The following IRS2 variants were observed in gnomAD, a reference collection of about 807,000 sequenced individuals.
IRS2 encodes insulin receptor substrate 2.
IRS2 carries 28 observed loss-of-function variants against 70.9 expected under a neutral mutation model. The ratio of observed to expected loss-of-function variants is 0.39; its 90% CI spans 0.29 to 0.54. IRS2 has a LOEUF of 0.54. Among genes scored for constraint, IRS2 ranks in the 20% least tolerant of loss-of-function variants. The pLI is 0.59. For missense variants in IRS2, 2,081 were observed against 2,024.1 expected, an observed-to-expected ratio of 1.03 and a Z score of -0.54; for synonymous variants, 1,217 against 981.9, an observed-to-expected ratio of 1.24 and a Z score of -4.48.
intron 1 of IRS2, among the ~76,000 whole-genome samples, chr13:109,780,629 A>G (rs1383473528): frequency 6.6e-6 from 1 of 152,226 alleles, no homozygotes; most frequent in African/African-American, 2.4e-5. Context: ...CTGGATTTAG[A>G]TAGCACTAAA....
chr13:109,778,901 A>C (rs528260772), intron 1 of IRS2, among the ~76,000 whole-genome samples: 3 of 152,364 alleles, frequency 2.0e-5, no homozygotes, highest in African/African-American at 7.2e-5. Context: ...TATAAAGTTA[A>C]TTTTAAAAAT....
chr13:109,784,535 G>C lies in IRS2; in HGVS notation c.1519C>G (p.Pro507Ala), dbSNP rs1357444354. The change falls in exon 1 of 2, where the codon CCA (proline) becomes GCA (alanine). Residue 507 changes from proline (P) to alanine (A), a missense_variant. Physicochemically the swap from Pro to Ala is conservative, Grantham distance 27 (BLOSUM62 -1). Transcript: ENST00000375856. The surrounding 1 kb of genome is among the most constrained non-coding windows in gnomAD (Gnocchi z 5.2). ...CTGCAGAAGGCGCGCAGGTCGCCTG[G>C]GCTGGAGCCGTACTCGTCCAGGGAC... The part of the protein sequence containing the change: ...FMSLDEYGSS[P>A]GDLRAFCSHR... 1 of 1,515,572 alleles carries C rather than the reference G, an allele frequency of 6.6e-7. No individual in the cohort carries two copies. The highest frequency in any genetic ancestry group is 1.4e-5 in the African/African-American group (1 of 71,870). The allele number at this position is 1,515,572 out of a possible 1,614,324, so 93.9% of individuals were successfully genotyped here. A position where few individuals can be genotyped will look rare whatever the true frequency, so the allele number is the denominator to read the frequency against.
In IRS2 at chr13:109,782,242, G is replaced by GGC; in HGVS notation, c.3810_3811dup (p.Pro1271ArgfsTer61). 1 of 1,607,650 alleles carries GGC rather than the reference G, an allele frequency of 6.2e-7. No individual in the cohort carries two copies. The highest frequency in any genetic ancestry group is 8.5e-7 in the Non-Finnish European group (1 of 1,177,600). ...TCCCGGCTGAGGAAGCGGCGGCGGC[G>GGC]GCGGCTGCGGCTGGGGTGGCAGCCC... On this transcript the variant is annotated frameshift_variant, in exon 1 of 2. Coordinates refer to ENST00000375856, the MANE Select transcript of IRS2 (RefSeq NM_003749.3). LOFTEE classifies it high-confidence loss of function.
chr13:109,774,349 T>C (rs1028570868), intron 1 of IRS2, among the ~76,000 whole-genome samples: 3 of 152,102 alleles, frequency 2.0e-5, no homozygotes, highest in African/African-American at 4.8e-5. Context: ...GCCTTGAAAA[T>C]AGTATCAAAT....
chr13:109,767,141 C>T (rs1002445325), intron 1 of IRS2, among the ~76,000 whole-genome samples: 1 of 152,110 alleles, frequency 6.6e-6, no homozygotes, highest in Non-Finnish European at 1.5e-5. Flanking sequence ...CCTGGAGGGT[C>T]CAGCAGGGTG....
chr13:109,773,585 G>C (rs1209677320), intron 1 of IRS2, among the ~76,000 whole-genome samples: 2 of 152,226 alleles, frequency 1.3e-5, no homozygotes, highest in Middle Eastern at 3.4e-3. Flanking sequence ...CAATAACTTT[G>C]TTTCCTTTTC....
At position 109,784,557 on chromosome 13, in the gene IRS2, G is replaced by A; in HGVS notation, c.1497C>T (p.Ser499=). 6.9e-6 allele frequency: 10 copies of A among 1,447,236 alleles called. No homozygotes were observed. The highest frequency in any genetic ancestry group is 1.5e-5 in the South Asian group (1 of 68,640). The allele number at this position is 1,447,236 out of a possible 1,614,324, so 89.6% of individuals were successfully genotyped here. ...SGSPSDPGFM[S]LDEYGSSPGD... ...CTGGGCTGGAGCCGTACTCGTCCAG[G>A]GACATGAAGCCGGGGTCGCTGGGGG... Residue 499 remains serine (S), a synonymous_variant, in exon 1 of 2, where the codon TCC becomes TCT. Coordinates refer to ENST00000375856, the MANE Select transcript of IRS2 (RefSeq NM_003749.3). The surrounding 1 kb of genome is among the most constrained non-coding windows in gnomAD (Gnocchi z 5.2).
At chr13:109,758,875 G>A (rs1237564627) in intron 1 of IRS2, among the ~76,000 whole-genome samples, 3 of 148,458 alleles carry the variant, frequency 2.0e-5, no homozygotes, top group African/African-American at 5.0e-5. Flanking sequence ...AAGGGCAAGC[G>A]GAAGAGGAAG....
chr13:109,768,129 G>A (rs1300726034), intron 1 of IRS2, among the ~76,000 whole-genome samples: 2 of 152,140 alleles, frequency 1.3e-5, no homozygotes, highest in East Asian at 3.9e-4. Flanking sequence ...ATTTTGCTTA[G>A]AGAATGATGG....
chr13:109,758,995 A>C (rs1350440529), intron 1 of IRS2, among the ~76,000 whole-genome samples: 1 of 152,048 alleles, frequency 6.6e-6, no homozygotes, highest in Non-Finnish European at 1.5e-5. Flanking sequence ...TGAACCTGTT[A>C]ATGGCACACT....
chr13:109,755,214 C>CTTTTTTTTTTTTTTTTTTTTG lies in IRS2; in HGVS notation c.*1089_*1090insCAAAAAAAAAAAAAAAAAAAA, dbSNP rs375324802. ...CTCTTTTTATCAGTTTCTTTCTTTC[C>CTTTTTTTTTTTTTTTTTTTTG]TTTTTTTTTTTTCTTTTTGTTTTTT... On this transcript the variant is annotated 3_prime_UTR_variant, in exon 2 of 2. Transcript: ENST00000375856. 1 of 194,040 alleles carries CTTTTTTTTTTTTTTTTTTTTG rather than the reference C, an allele frequency of 5.2e-6. No individual in the cohort carries two copies. The highest frequency in any genetic ancestry group is 1.0e-5 in the Non-Finnish European group (1 of 98,342). The allele number at this position is 194,040 out of a possible 1,614,324, so 12.0% of individuals were successfully genotyped here. A position where few individuals can be genotyped will look rare whatever the true frequency, so the allele number is the denominator to read the frequency against.
Position 109,782,624 on chromosome 13 carries a change from G to A in IRS2, c.3430C>T (p.Arg1144Cys). The A allele has an allele frequency of 6.4e-7, 1 of 1,574,342 alleles. No individual in the cohort carries two copies. Among genetic ancestry groups the A allele is most frequent in the Middle Eastern group, 1.7e-4 (1 of 6,012 alleles). The change falls in exon 1 of 2, where the codon CGC becomes TGC. Residue 1144 changes from arginine (R) to cysteine (C), a missense_variant. Physicochemically the swap from Arg to Cys is radical, Grantham distance 180 (BLOSUM62 -3). Around this residue, in one of 4 missense-constraint regions of IRS2, gnomAD observed 1,615 missense variants for 1,459.5 expected, o/e 1.11. Transcript: ENST00000375856. ...AAGGTCTCGGAACTGTGGCGGCGGCGGCCCCCCTGCGGGTCTGCGCGGATG... is the reference window on the plus strand; with the variant it reads ...AAGGTCTCGGAACTGTGGCGGCGGCAGCCCCCCTGCGGGTCTGCGCGGATG... ...KVIRADPQGGRRRHSSETFSS... is the reference protein window; with the variant it reads ...KVIRADPQGGCRRHSSETFSS...
Position 109,783,714 on chromosome 13 carries a change from C to G in IRS2, c.2340G>C (p.Pro780=), listed in dbSNP as rs776773781. The G allele has an allele frequency of 4.5e-6, 7 of 1,571,920 alleles. No homozygotes were observed. The highest frequency in any genetic ancestry group is 2.7e-5 in the African/African-American group (2 of 74,050). ...SPSDAVTTGT[P]PDFFSAALHP... ...GCAGGGCTGCGGAGAAGAAGTCGGGCGGGGTGCCCGTGGTGACCGCGTCGC... is the reference window on the plus strand; with the variant it reads ...GCAGGGCTGCGGAGAAGAAGTCGGGGGGGGTGCCCGTGGTGACCGCGTCGC... Residue 780 remains proline, a synonymous_variant, in exon 1 of 2, where the codon CCG becomes CCC. Transcript: ENST00000375856.
Position 109,755,566 on chromosome 13 carries a change from T to G in IRS2, c.*738A>C, listed in dbSNP as rs1877088202. The G allele has an allele frequency of 4.8e-6, 1 of 206,490 alleles. No individual in the cohort carries two copies. The highest frequency in any genetic ancestry group is 2.3e-5 in the African/African-American group (1 of 43,870). 12.8% of individuals were successfully genotyped at this position (206,490 alleles called of 1,614,324 possible). On this transcript the variant is annotated 3_prime_UTR_variant, in exon 2 of 2. Coordinates refer to ENST00000375856, the MANE Select transcript of IRS2 (RefSeq NM_003749.3). ...TCCCACTACCCAATACAGTTGATTT[T>G]CAAAAGTAGGTTGCTTCAGTTACAT... is the stretch of plus-strand genomic sequence containing the variant.
At position 109,753,824 on chromosome 13, in the gene IRS2, C is replaced by A. The variant is rs1379408034; in HGVS notation, c.*2480G>T. ...AACAGAGAATTCGTACAGAAAAAATCTTCAGGACTGTATTCATTTCATAAA... is the reference window on the plus strand; with the variant it reads ...AACAGAGAATTCGTACAGAAAAAATATTCAGGACTGTATTCATTTCATAAA... On this transcript the variant is annotated 3_prime_UTR_variant, in exon 2 of 2. Coordinates refer to ENST00000375856, the MANE Select transcript of IRS2 (RefSeq NM_003749.3). 4.7e-6 allele frequency: 1 copy of A among 214,832 alleles called. No homozygotes were observed. The highest frequency in any genetic ancestry group is 9.4e-6 in the Non-Finnish European group (1 of 106,404). The allele number at this position is 214,832 out of a possible 1,614,324, so 13.3% of individuals were successfully genotyped here.
In IRS2 at chr13:109,768,105, T is replaced by C. The variant is rs1426518651; in HGVS notation, c.4013-11797A>G. Among the ~76,000 whole-genome samples, 10 of 152,344 alleles carry C rather than the reference T, an allele frequency of 6.6e-5. No individual in the cohort carries two copies. In the South Asian group the frequency reaches 1.0e-3, roughly 16 times the overall value. On this transcript the variant is annotated intron_variant, in intron 1 of 1. Transcript: ENST00000375856. ...TATATATGAAATTTCTAGAAAATAA[T>C]TGTTATTTCCCTCATTTTGCTTAGA...
Position 109,772,243 on chromosome 13 carries a change from G to C in IRS2, c.4012+9799C>G, listed in dbSNP as rs184513223. Among the ~76,000 whole-genome samples, 16 of 152,286 alleles carry C rather than the reference G, an allele frequency of 1.1e-4. No homozygotes were observed. The Middle Eastern group carries it at 0.01, about 97-fold the overall frequency. On this transcript the variant is annotated intron_variant, in intron 1 of 1. Coordinates refer to ENST00000375856, the MANE Select transcript of IRS2 (RefSeq NM_003749.3). ...CCTATTTTCGGTGGTTCATAGCACGGAGCGGTGCAGGTAGGTGCACGCTCT... is the reference window on the plus strand; with the variant it reads ...CCTATTTTCGGTGGTTCATAGCACGCAGCGGTGCAGGTAGGTGCACGCTCT...
intron 1 of IRS2, among the ~76,000 whole-genome samples, chr13:109,757,874 G>T (rs1877141908): frequency 6.6e-6 from 1 of 152,136 alleles, no homozygotes; most frequent in Admixed American, 6.5e-5. Flanking sequence ...TAGAGACGGG[G>T]TTTCACCATG....
intron 1 of IRS2, among the ~76,000 whole-genome samples, chr13:109,781,268 C>T (rs1877690067): frequency 6.6e-6 from 1 of 152,164 alleles, no homozygotes; most frequent in Admixed American, 6.5e-5. Flanking sequence ...CGGAGACTCA[C>T]TAGAAATGCA....
Sources: allele counts gnomAD v4.1 joint callset (sites outside exome capture counted in the v4.1 genomes callset), GRCh38; gene constraint gnomAD v4.1.1; regional missense constraint gnomAD v4.1.1; non-coding constraint Gnocchi (gnomAD v3.1); transcripts MANE v1.5; gene names NCBI Gene and HGNC (gene_info 2026-07-23, HGNC 2026-07-21).